ABCB7: variants seen among roughly 807,000 people sequenced by gnomAD.
ABCB7 encodes iron-sulfur clusters transporter ABCB7, mitochondrial.
In ABCB7, 7 loss-of-function variants were observed where a neutral mutation model predicts 54.4. That is an observed-to-expected ratio of 0.13 (90% CI 0.07 to 0.24). The LOEUF (loss-of-function observed/expected upper bound fraction) is 0.24. Ranked by LOEUF, ABCB7 falls within the 10% of genes least tolerant of loss-of-function variation. The probability of loss-of-function intolerance (pLI) is 1.00; values close to 1 mark genes in which losing one functional copy is unlikely to be tolerated. For missense variants in ABCB7, 356 were observed against 570.4 expected (o/e 0.62, Z 3.83); for synonymous variants, 218 against 207.1 (o/e 1.05, Z -0.45).
chrX:75,071,269 G>A (rs1461427556), intron 9 of ABCB7, among the ~76,000 whole-genome samples: 1 of 110,734 alleles, frequency 9.0e-6, no homozygotes, highest in Non-Finnish European at 1.9e-5. Context: ...GTTCTTAAAA[G>A]AACAGGTAGT....
chrX:75,106,633 C>CCT (rs2081704541), intron 3 of ABCB7, among the ~76,000 whole-genome samples: 1 of 111,853 alleles, frequency 8.9e-6, no homozygotes, highest in South Asian at 3.7e-4. Flanking sequence ...ATCCAGTGAT[C>CCT]CTATTCCTGG....
At position 75,110,012 on chromosome X, in the gene ABCB7, A is replaced by C. The variant is rs181473209; in HGVS notation, c.333+2874T>G. 4.2e-4 allele frequency among the ~76,000 whole-genome samples: 47 copies of C among 112,080 alleles called. 1 individual carries two copies. The East Asian group carries it at 0.011, about 27-fold the overall frequency. On this transcript the variant is annotated intron_variant, in intron 3 of 15. Transcript: ENST00000373394. ...AGTGAATTTGGGATAAGAGAAGAAA[A>C]TATGTATGAGTTGTCAGGAAAGGCT... is the stretch of plus-strand genomic sequence containing the variant.
At position 75,071,542 on chromosome X, in the gene ABCB7, T is replaced by C. The variant is rs139311518; in HGVS notation, c.1174A>G (p.Ile392Val). ...ATTCCCTGACTGGCGAGCACCATTA[T>C]AGCTGTTAAACCGACACTGAAAATA... The part of the protein sequence containing the change: ...SAIFSVGLTA[I>V]MVLASQGIVA... The change falls in exon 9 of 16, where the codon ATA (isoleucine) becomes GTA (valine). Residue 392 changes from isoleucine to valine, a missense_variant. Transcript: ENST00000373394. 439 of 1,209,570 alleles carry C rather than the reference T, an allele frequency of 3.6e-4. No homozygotes were observed. The highest frequency in any genetic ancestry group is 4.4e-4 in the Non-Finnish European group (398 of 895,148).
chrX:75,055,960 T>C (rs745583707), intron 15 of ABCB7, among the ~76,000 whole-genome samples: 1 of 110,862 alleles, frequency 9.0e-6, no homozygotes, highest in African/African-American at 3.3e-5. Flanking sequence ...GTGCTGTTAT[T>C]ACCAGCATGA....
intron 4 of ABCB7, among the ~76,000 whole-genome samples, chrX:75,089,413 TA>T (rs1050667936): frequency 5.4e-5 from 6 of 111,272 alleles, no homozygotes; most frequent in African/African-American, 6.5e-5. Flanking sequence ...GTGTAAGTGA[TA>T]GGGGGAATGA....
At chrX:75,097,916 A>T (rs1569230614) in intron 4 of ABCB7, among the ~76,000 whole-genome samples, 1 of 111,997 alleles carries the variant, frequency 8.9e-6, no homozygotes, top group Non-Finnish European at 1.9e-5. Flanking sequence ...AACTTGCTTA[A>T]GGTTACAAGG....
rs757074347 is a variant in ABCB7 at position 75,104,047 on chromosome X, G to GTTTTTTTTTTTT, written c.334-4998_334-4987dup. Among the ~76,000 whole-genome samples the GTTTTTTTTTTTT allele has an allele frequency of 1.5e-3, 20 of 13,444 alleles. 4 individuals carry two copies. The highest frequency in any genetic ancestry group is 0.014 in the East Asian group (2 of 139). The allele number at this position is 13,444 out of a possible 115,157, so 11.7% of individuals were successfully genotyped here. On this transcript the variant is annotated intron_variant, in intron 3 of 15. Transcript: ENST00000373394. ...AAATGGGCATCCCTGTCTTGTTACA[G>GTTTTTTTTTTTT]TTTTTTTTTTTTTTTTTTTTTTTTT... is the stretch of plus-strand genomic sequence containing the variant.
At chrX:75,152,784 T>C (rs773161435) in intron 1 of ABCB7, among the ~76,000 whole-genome samples, 56 of 107,812 alleles carry the variant, frequency 5.2e-4, no homozygotes, top group African/African-American at 1.8e-3. Flanking sequence ...CTCAGTCTCC[T>C]GAGTAGCTGT....
intron 1 of ABCB7, among the ~76,000 whole-genome samples, chrX:75,128,012 G>A (rs2081946827): frequency 8.9e-6 from 1 of 111,767 alleles, no homozygotes; most frequent in Non-Finnish European, 1.9e-5. Context: ...TCGTGAAAAT[G>A]GCTATACTGC....
At chrX:75,138,865 G>A (rs978317065) in intron 1 of ABCB7, among the ~76,000 whole-genome samples, 19 of 109,637 alleles carry the variant, frequency 1.7e-4, no homozygotes, top group African/African-American at 6.0e-4. Context: ...AAAATTAGCT[G>A]GGCGTGGTGG....
At chrX:75,141,501 T>C (rs1273829451) in intron 1 of ABCB7, among the ~76,000 whole-genome samples, 1 of 111,422 alleles carries the variant, frequency 9.0e-6, no homozygotes, top group Non-Finnish European at 1.9e-5. Context: ...ATTTTCCCCA[T>C]CATTAAATAT....
At chrX:75,103,913 C>T (rs1262538307) in intron 3 of ABCB7, among the ~76,000 whole-genome samples, 1 of 108,876 alleles carries the variant, frequency 9.2e-6, no homozygotes, top group East Asian at 2.8e-4. Flanking sequence ...ATATCATCAA[C>T]TAAGAGGGAC....
intron 1 of ABCB7, among the ~76,000 whole-genome samples, chrX:75,142,844 C>T (rs1254596515): frequency 8.9e-6 from 1 of 112,390 alleles, no homozygotes; most frequent in Non-Finnish European, 1.9e-5. Context: ...TTCTTATTCA[C>T]GGCTATAGCC....
At chrX:75,142,164 C>T (rs188931985) in intron 1 of ABCB7, among the ~76,000 whole-genome samples, 73 of 111,046 alleles carry the variant, frequency 6.6e-4, no homozygotes, top group African/African-American at 2.4e-3. Flanking sequence ...CCAGGAACCC[C>T]TATAGATACC....
intron 1 of ABCB7, among the ~76,000 whole-genome samples, chrX:75,154,340 C>T (rs758949293): frequency 9.0e-6 from 1 of 111,629 alleles, no homozygotes; most frequent in African/African-American, 3.3e-5. Context: ...CCCCCTCATT[C>T]TTCCAGCTTA....
intron 12 of ABCB7, 75 bp downstream of exon 12, chrX:75,068,932 T>C (rs2081342456): frequency 9.1e-7 from 1 of 1,097,427 alleles, no homozygotes; most frequent in Admixed American, 2.2e-5. Flanking sequence ...GATCCCTTGA[T>C]TCAAACTGTT....
At chrX:75,060,029 TAAAG>T (rs1305192233) in intron 15 of ABCB7, among the ~76,000 whole-genome samples, 190 bp downstream of exon 15, 1 of 112,069 alleles carries the variant, frequency 8.9e-6, no homozygotes, top group Non-Finnish European at 1.9e-5. Context: ...AATACTTTAA[TAAAG>T]AGTGAGTTAA....
In ABCB7 at chrX:75,053,181, T is replaced by C; in HGVS notation, c.*189A>G. The stretch of plus-strand genomic sequence containing the variant: ...CCAGGACAGTGACAAGAAAATAATT[T>C]GGGGATAAATACAGATGCCACATTA... On this transcript the variant is annotated 3_prime_UTR_variant, in exon 16 of 16. Transcript: ENST00000373394. 1 of 591,603 alleles carries C rather than the reference T, an allele frequency of 1.7e-6. No homozygotes were observed. The highest frequency in any genetic ancestry group is 2.5e-6 in the Non-Finnish European group (1 of 392,351). 48.8% of individuals were successfully genotyped at this position (591,603 alleles called of 1,213,427 possible). A position where few individuals can be genotyped will look rare whatever the true frequency, so the allele number is the denominator to read the frequency against.
At chrX:75,130,085 T>C (rs2081964342) in intron 1 of ABCB7, among the ~76,000 whole-genome samples, 2 of 111,868 alleles carry the variant, frequency 1.8e-5, no homozygotes, top group African/African-American at 6.5e-5. Context: ...CTGACAATAT[T>C]AGCAATGTCA....
Sources: allele counts gnomAD v4.1 joint callset (sites outside exome capture counted in the v4.1 genomes callset), GRCh38; gene constraint gnomAD v4.1.1; transcripts MANE v1.5; gene names NCBI Gene and HGNC (gene_info 2026-07-23, HGNC 2026-07-21).